ATP2C2: variants seen among roughly 807,000 people sequenced by gnomAD.
The protein encoded by ATP2C2 is calcium-transporting ATPase type 2C member 2.
A neutral mutation model predicts 110.8 loss-of-function variants in ATP2C2; 171 were observed. The ratio of observed to expected loss-of-function variants is 1.54; its 90% CI spans 1.36 to 1.75. ATP2C2 has a LOEUF of 1.75. Among genes scored for constraint, ATP2C2 ranks in the 40% most tolerant of loss-of-function variants. ATP2C2 has a pLI of 0.00. For missense variants in ATP2C2, 1,963 were observed against 1,235.0 expected (o/e 1.59, Z -8.84); for synonymous variants, 804 against 508.4 (o/e 1.58, Z -7.82).
Position 84,431,309 on chromosome 16 carries a change from G to A in ATP2C2, c.986+5508G>A, listed in dbSNP as rs548487111. Among the ~76,000 whole-genome samples, 5 of 152,120 alleles carry A rather than the reference G, an allele frequency of 3.3e-5. No homozygotes were observed. In the East Asian group the frequency reaches 9.7e-4, roughly 29 times the overall value. On this transcript the variant is annotated intron_variant, in intron 11 of 26. Transcript: ENST00000262429. ...AGATCAGGAGTTCAAGAACAGCCTG[G>A]CCAATGTGGTGTTGCATCTCTACCA...
intron 7 of ATP2C2, among the ~76,000 whole-genome samples, chr16:84,417,507 G>T (rs534340368): frequency 6.6e-6 from 1 of 152,158 alleles, no homozygotes; most frequent in East Asian, 1.9e-4. Context: ...TATCATTATC[G>T]TTCTATACAA....
Position 84,463,922 on chromosome 16 carries a change from T to G in ATP2C2, c.*190T>G. The G allele has an allele frequency of 1.7e-6, 1 of 581,526 alleles. No homozygotes were observed. The highest frequency in any genetic ancestry group is 3.1e-6 in the Non-Finnish European group (1 of 326,530). The allele number at this position is 581,526 out of a possible 1,614,324, so 36.0% of individuals were successfully genotyped here. A position where few individuals can be genotyped will look rare whatever the true frequency, so the allele number is the denominator to read the frequency against. ...ACCCAGGCCCACATCCATCCAGCGT[T>G]CCCGCTGGCTGTGGGACAGACAGGG... is the stretch of plus-strand genomic sequence containing the variant. On this transcript the variant is annotated 3_prime_UTR_variant, in exon 27 of 27. Coordinates refer to ENST00000262429, the MANE Select transcript of ATP2C2 (RefSeq NM_014861.4).
At chr16:84,404,977 G>A (rs944115506) in intron 2 of ATP2C2, 151 bp from the exon 3 acceptor site, 2 of 753,210 alleles carry the variant, frequency 2.7e-6, no homozygotes, top group African/African-American at 1.7e-5. Flanking sequence ...ATCTGCACGG[G>A]GTCTTTGAAC....
chr16:84,372,392 A>C (rs1387815474), intron 1 of ATP2C2, among the ~76,000 whole-genome samples: 1 of 152,208 alleles, frequency 6.6e-6, no homozygotes, highest in Non-Finnish European at 1.5e-5. Context: ...CTCAGAATTC[A>C]GCAACATGTG....
chr16:84,402,848 T>C (rs1453266183), intron 2 of ATP2C2, among the ~76,000 whole-genome samples: 1 of 152,192 alleles, frequency 6.6e-6, no homozygotes, highest in African/African-American at 2.4e-5. Flanking sequence ...TTGGAATTAT[T>C]TAGTAGGATT....
In ATP2C2 at chr16:84,448,046, C is replaced by T. The variant is rs960937847; in HGVS notation, c.1504-487C>T. Among the ~76,000 whole-genome samples, 113 of 152,144 alleles carry T rather than the reference C, an allele frequency of 7.4e-4. 1 individual carries two copies. The highest frequency in any genetic ancestry group is 2.6e-3 in the African/African-American group (109 of 41,492). The stretch of plus-strand genomic sequence containing the variant: ...TGGAGTTCATAGTCTACATGTTTGT[C>T]ATGACAGAGCTTAAGAAAAACACAG... On this transcript the variant is annotated intron_variant, in intron 16 of 26. Coordinates refer to ENST00000262429, the MANE Select transcript of ATP2C2 (RefSeq NM_014861.4).
chr16:84,418,446 A>T (rs941880918), intron 7 of ATP2C2, among the ~76,000 whole-genome samples: 1 of 152,086 alleles, frequency 6.6e-6, no homozygotes, highest in African/African-American at 2.4e-5. Flanking sequence ...GTGCCACCTG[A>T]TCTTCTACCT....
At chr16:84,449,222 C>T (rs1246920106) in intron 17 of ATP2C2, among the ~76,000 whole-genome samples, 1 of 152,348 alleles carries the variant, frequency 6.6e-6, no homozygotes, top group Admixed American at 6.5e-5. Context: ...AAGTGAGAGG[C>T]TTTGGGTTGG....
chr16:84,384,905 C>T (rs910912248), intron 1 of ATP2C2, among the ~76,000 whole-genome samples: 10 of 152,206 alleles, frequency 6.6e-5, no homozygotes, highest in South Asian at 2.1e-4. Flanking sequence ...CAAAATTAGC[C>T]GGGCTTGGTG....
Position 84,459,934 on chromosome 16 carries a change from A to C in ATP2C2, c.2333+548A>C, listed in dbSNP as rs1911110287. On this transcript the variant is annotated intron_variant, in intron 23 of 26. Coordinates refer to ENST00000262429, the MANE Select transcript of ATP2C2 (RefSeq NM_014861.4). ...CGCTCCGCCACTTAATATCCCCTTC[A>C]ACAAGCTGGCCAAGTGGTGTGGGGG... 1.9e-5 allele frequency: 5 copies of C among 270,134 alleles called. No individual in the cohort carries two copies. In the South Asian group the frequency reaches 1.9e-4, roughly 10 times the overall value. The allele number at this position is 270,134 out of a possible 1,614,324, so 16.7% of individuals were successfully genotyped here.
intron 11 of ATP2C2, among the ~76,000 whole-genome samples, chr16:84,434,641 C>T (rs1414218551): frequency 6.6e-6 from 1 of 151,594 alleles, no homozygotes; most frequent in Non-Finnish European, 1.5e-5. Context: ...CCTCAGCCTC[C>T]CCAAGTAGCT....
At chr16:84,373,466 C>A (rs901122677) in intron 1 of ATP2C2, among the ~76,000 whole-genome samples, 1 of 152,056 alleles carries the variant, frequency 6.6e-6, no homozygotes. Context: ...CGCCACTACA[C>A]TCCAGCCTGG....
In ATP2C2 at chr16:84,459,535, C is replaced by T. The variant is rs758865710; in HGVS notation, c.2333+149C>T. 2.0e-5 allele frequency: 31 copies of T among 1,547,080 alleles called. 1 individual carries two copies. The Middle Eastern group carries it at 3.5e-3, about 174-fold the overall frequency. ...TCCCAGAAAACTGAAGTGTGTTGCA[C>T]TGCAGTGAGACTGGGAGTAGAAGGC... is the stretch of plus-strand genomic sequence containing the variant. On this transcript the variant is annotated intron_variant, in intron 23 of 26. Coordinates refer to ENST00000262429, the MANE Select transcript of ATP2C2 (RefSeq NM_014861.4).
At chr16:84,433,953 C>T (rs1279279477) in intron 11 of ATP2C2, among the ~76,000 whole-genome samples, 1 of 152,154 alleles carries the variant, frequency 6.6e-6, no homozygotes, top group Non-Finnish European at 1.5e-5. Flanking sequence ...AGACACTTTC[C>T]CCCTCTCATT....
chr16:84,406,922 C>T (rs566370064), intron 3 of ATP2C2, among the ~76,000 whole-genome samples: 2 of 152,252 alleles, frequency 1.3e-5, no homozygotes, highest in East Asian at 3.9e-4. Context: ...CACCAAGGAT[C>T]CTCCTCCAGC....
chr16:84,462,608 C>A (rs191269838), intron 26 of ATP2C2: 1 of 155,836 alleles, frequency 6.4e-6, no homozygotes, highest in East Asian at 1.9e-4. Context: ...CAAGGGCACA[C>A]GCCCTGGTGT....
intron 3 of ATP2C2, chr16:84,406,737 A>G (rs896213979): frequency 1.4e-5 from 11 of 780,270 alleles, no homozygotes; most frequent in African/African-American, 1.9e-5. Flanking sequence ...GTTGGGGTTC[A>G]GGGAAGGAGG....
Position 84,408,424 on chromosome 16 carries a change from TG to T in ATP2C2, c.348del (p.Leu117CysfsTer8). 1 of 1,612,974 alleles carries T rather than the reference TG, an allele frequency of 6.2e-7. No homozygotes were observed. The highest frequency in any genetic ancestry group is 8.5e-7 in the Non-Finnish European group (1 of 1,179,346). On this transcript the variant is annotated frameshift_variant, in exon 4 of 27. Coordinates refer to ENST00000262429, the MANE Select transcript of ATP2C2 (RefSeq NM_014861.4). LOFTEE classifies it high-confidence loss of function. ...CTTCAGTTTAAGAACCCCCTGATCC[TG>T]CTGCTGCTGGGCTCTGCCCTGGTGA... is the stretch of plus-strand genomic sequence containing the variant. The part of the protein sequence containing the change: ...YLDQFKNPLI[L>X]LLLGSALVSV...
intron 1 of ATP2C2, among the ~76,000 whole-genome samples, chr16:84,375,856 A>G (rs574353958): frequency 3.5e-5 from 5 of 143,478 alleles, no homozygotes; most frequent in Admixed American, 3.3e-4. Flanking sequence ...TTGTAGACAG[A>G]AAAAAAGGAG....
Sources: allele counts gnomAD v4.1 joint callset (sites outside exome capture counted in the v4.1 genomes callset), GRCh38; gene constraint gnomAD v4.1.1; transcripts MANE v1.5; gene names NCBI Gene and HGNC (gene_info 2026-07-23, HGNC 2026-07-21).